RPS6KC1: variants seen among roughly 807,000 people sequenced by gnomAD.
RPS6KC1 encodes inactive ribosomal protein S6 kinase delta-1.
Under a neutral mutation model 103.8 loss-of-function variants are expected in RPS6KC1, and 54 were observed. The ratio of observed to expected loss-of-function variants is 0.52; its 90% confidence interval spans 0.42 to 0.65. RPS6KC1 has a LOEUF of 0.65. Among genes scored for constraint, RPS6KC1 ranks in the 30% least tolerant of loss-of-function variants. The pLI is 0.00. For synonymous variants in RPS6KC1, 439 were observed against 438.7 expected (o/e 1.00, Z -0.01); for missense variants, 1,151 against 1,253.8 (o/e 0.92, Z 1.24).
At chr1:213,610,741 G>A in the RPS6KC1 span, among the ~76,000 whole-genome samples, 1 of 152,092 alleles carries the variant, frequency 6.6e-6, no homozygotes, top group Non-Finnish European at 1.5e-5. Flanking sequence ...TACATATGTC[G>A]GCTGACCACA....
At chr1:213,453,097 C>A in the RPS6KC1 span, among the ~76,000 whole-genome samples, 99 of 152,038 alleles carry the variant, frequency 6.5e-4, no homozygotes, top group Middle Eastern at 3.4e-3. Flanking sequence ...CATCTCGTGG[C>A]CATTTCTCCT....
At chr1:213,367,116 A>G in the RPS6KC1 span, among the ~76,000 whole-genome samples, 1 of 152,186 alleles carries the variant, frequency 6.6e-6, no homozygotes, top group Non-Finnish European at 1.5e-5. Context: ...CATCCCTCCT[A>G]AATGGTATAT....
chr1:213,542,045 G>A, the RPS6KC1 span, among the ~76,000 whole-genome samples: 1 of 152,130 alleles, frequency 6.6e-6, no homozygotes, highest in East Asian at 1.9e-4. Context: ...TCTGTGGATA[G>A]GGAGACACGA....
At chr1:213,444,744 C>CAAAAAAA in the RPS6KC1 span, among the ~76,000 whole-genome samples, 14 of 87,476 alleles carry the variant, frequency 1.6e-4, no homozygotes, top group Non-Finnish European at 2.1e-4. Flanking sequence ...AACTCCAACT[C>CAAAAAAA]AAAAAAAAAA....
the RPS6KC1 span, among the ~76,000 whole-genome samples, chr1:213,653,050 G>A: frequency 1.7e-3 from 263 of 152,328 alleles, no homozygotes; most frequent in African/African-American, 6.0e-3. Context: ...ATAAACAGAA[G>A]TGAGATTGAA....
At chr1:213,805,505 C>T in the RPS6KC1 span, among the ~76,000 whole-genome samples, 24 of 152,310 alleles carry the variant, frequency 1.6e-4, no homozygotes, top group Admixed American at 6.5e-4. Flanking sequence ...AGCAACTCCT[C>T]GTCCATTCAA....
chr1:213,137,770 T>TCTCC (rs1205961782), intron 6 of RPS6KC1, among the ~76,000 whole-genome samples: 1 of 34,948 alleles, frequency 2.9e-5, no homozygotes, highest in African/African-American at 8.5e-5. Flanking sequence ...TCTCTCTCTC[T>TCTCC]CTCTCTCTAT....
At chr1:213,535,971 G>A in the RPS6KC1 span, among the ~76,000 whole-genome samples, 1 of 152,124 alleles carries the variant, frequency 6.6e-6, no homozygotes, top group Non-Finnish European at 1.5e-5. Flanking sequence ...CAAAGCTGAG[G>A]TTCTTTTGGC....
chr1:213,130,204 G>T (rs892813955), intron 6 of RPS6KC1, among the ~76,000 whole-genome samples: 1 of 152,056 alleles, frequency 6.6e-6, no homozygotes, highest in Non-Finnish European at 1.5e-5. Flanking sequence ...GTGTTTTACC[G>T]GCCTTCATCT....
the RPS6KC1 span, among the ~76,000 whole-genome samples, chr1:213,589,250 G>A: frequency 1.3e-5 from 2 of 152,210 alleles, no homozygotes; most frequent in Non-Finnish European, 2.9e-5. Context: ...ACTGCCACAT[G>A]TAAGTTTTTA....
the RPS6KC1 span, among the ~76,000 whole-genome samples, chr1:213,433,223 T>C: frequency 6.6e-6 from 1 of 152,214 alleles, no homozygotes; most frequent in African/African-American, 2.4e-5. Context: ...CTCTGACTTG[T>C]CTGATATGAT....
chr1:213,691,977 C>T, the RPS6KC1 span, among the ~76,000 whole-genome samples: 4 of 152,174 alleles, frequency 2.6e-5, no homozygotes, highest in African/African-American at 4.8e-5. Context: ...CTAGCGCTAG[C>T]GGTGGTGAAT....
chr1:213,664,606 G>T, the RPS6KC1 span, among the ~76,000 whole-genome samples: 4 of 152,052 alleles, frequency 2.6e-5, no homozygotes, highest in Non-Finnish European at 5.9e-5. Flanking sequence ...TTGTTCATCA[G>T]TTTTTTGTTT....
At chr1:213,348,818 C>T in the RPS6KC1 span, among the ~76,000 whole-genome samples, 1 of 152,178 alleles carries the variant, frequency 6.6e-6, no homozygotes, top group Non-Finnish European at 1.5e-5. Context: ...TAACAATAAA[C>T]CCTATGGAGC....
chr1:213,407,226 A>G, the RPS6KC1 span, among the ~76,000 whole-genome samples: 43 of 150,022 alleles, frequency 2.9e-4, no homozygotes, highest in Non-Finnish European at 4.0e-4. Flanking sequence ...GCGCACACAC[A>G]CACACACACA....
At chr1:213,316,922 G>T in the RPS6KC1 span, among the ~76,000 whole-genome samples, 3 of 152,162 alleles carry the variant, frequency 2.0e-5, no homozygotes, top group South Asian at 6.2e-4. Context: ...AGCCAGCATG[G>T]CTGGGGCAGA....
chr1:213,085,039 A>G (rs746828286), intron 3 of RPS6KC1, among the ~76,000 whole-genome samples: 8 of 152,238 alleles, frequency 5.3e-5, no homozygotes, highest in Non-Finnish European at 1.2e-4. Flanking sequence ...GCGTAAAACA[A>G]TGGAAATTTA....
chr1:213,448,087 A>T, the RPS6KC1 span, among the ~76,000 whole-genome samples: 1 of 151,942 alleles, frequency 6.6e-6, no homozygotes, highest in East Asian at 1.9e-4. Context: ...AAAATAAAAA[A>T]ATTGGCTAGG....
the RPS6KC1 span, among the ~76,000 whole-genome samples, chr1:213,545,399 T>TAAATA: frequency 1.1e-4 from 9 of 84,262 alleles, no homozygotes; most frequent in Non-Finnish European, 2.6e-5. Flanking sequence ...AATAAATAAA[T>TAAATA]AAATAAATAA....
Sources: allele counts gnomAD v4.1 joint callset (sites outside exome capture counted in the v4.1 genomes callset), GRCh38; gene constraint gnomAD v4.1.1; transcripts MANE v1.5; gene names NCBI Gene and HGNC (gene_info 2026-07-23, HGNC 2026-07-21).